Variants in SH3BGR observed in about 807,000 individuals in gnomAD.
SH3BGR encodes the protein SH3 domain binding glutamate rich protein.
Under a neutral mutation model 24.5 loss-of-function variants are expected in SH3BGR, and 29 were observed. That is an observed-to-expected ratio of 1.18 (90% CI 0.88 to 1.61). SH3BGR has a LOEUF of 1.61. SH3BGR is among the 40% of genes most tolerant of loss of function. SH3BGR has a pLI of 0.00. For missense variants in SH3BGR, 162 were observed against 205.8 expected, an observed-to-expected ratio of 0.79 and a Z score of 1.30; for synonymous variants, 55 against 65.7, an observed-to-expected ratio of 0.84 and a Z score of 0.79.
chr21:39,502,987 T>C (rs1313155510), intron 4 of SH3BGR, among the ~76,000 whole-genome samples: 2 of 145,194 alleles, frequency 1.4e-5, no homozygotes, highest in Non-Finnish European at 3.0e-5. Flanking sequence ...TCCAAGCTCT[T>C]TTTTTTTTTT....
At chr21:39,459,466 G>A (rs1488650806) in intron 1 of SH3BGR, among the ~76,000 whole-genome samples, 1 of 152,068 alleles carries the variant, frequency 6.6e-6, no homozygotes. Flanking sequence ...TTTGTGATCC[G>A]TCCACCTTGG....
intron 1 of SH3BGR, among the ~76,000 whole-genome samples, chr21:39,457,121 ATAAT>A (rs1482341821): frequency 6.8e-6 from 1 of 147,376 alleles, no homozygotes; most frequent in Non-Finnish European, 1.5e-5. Context: ...TATACCATAT[ATAAT>A]CAAATCACCA....
rs79411820 is a variant in SH3BGR, at chr21:39,511,425, G to T, written c.436-255G>T. Reference sequence around the variant, plus strand: ...TGTGTGTCTGGGTGGTGTGTGGGGGGGTGTGTGTGCTGTGTGTCATGTGTG... The same window carrying T: ...TGTGTGTCTGGGTGGTGTGTGGGGGTGTGTGTGTGCTGTGTGTCATGTGTG... On this transcript the variant is annotated intron_variant, in intron 5 of 6. Transcript: ENST00000333634. This position sits in a 1 kb window ranked among gnomAD's most constrained non-coding sequence, Gnocchi z 4.2. Among the ~76,000 whole-genome samples the T allele has an allele frequency of 0.034, 5,026 of 149,188 alleles. 91 individuals are homozygous for T. Among genetic ancestry groups the T allele is most frequent in the Middle Eastern group, 0.076 (21 of 278 alleles).
intron 2 of SH3BGR, among the ~76,000 whole-genome samples, chr21:39,473,935 C>G (rs189210531): frequency 1.3e-5 from 2 of 150,330 alleles, no homozygotes; most frequent in East Asian, 3.9e-4. Flanking sequence ...ATACTTTTTT[C>G]TCAACAGCTG....
At chr21:39,480,410 C>T (rs2078111886) in intron 3 of SH3BGR, among the ~76,000 whole-genome samples, 1 of 152,326 alleles carries the variant, frequency 6.6e-6, no homozygotes, top group East Asian at 1.9e-4. Context: ...AGGCTTGCCT[C>T]ATCTGAGCAT....
intron 2 of SH3BGR, among the ~76,000 whole-genome samples, chr21:39,467,205 T>TA (rs886449091): frequency 6.6e-6 from 1 of 152,200 alleles, no homozygotes; most frequent in Non-Finnish European, 1.5e-5. Flanking sequence ...TTTTCTGCTA[T>TA]AAAAAAGAAG....
At chr21:39,482,677 CT>C (rs762506677) in intron 3 of SH3BGR, among the ~76,000 whole-genome samples, 16 of 148,436 alleles carry the variant, frequency 1.1e-4, no homozygotes, top group Non-Finnish European at 1.8e-4. Flanking sequence ...TGGAGCAATG[CT>C]TTTTTTTTTG....
At chr21:39,484,307 C>T (rs1381795617) in intron 3 of SH3BGR, among the ~76,000 whole-genome samples, 1 of 152,152 alleles carries the variant, frequency 6.6e-6, no homozygotes, top group Non-Finnish European at 1.5e-5. Flanking sequence ...TAGGTGTTCA[C>T]CTCTGAAATT....
intron 3 of SH3BGR, among the ~76,000 whole-genome samples, chr21:39,489,111 C>G (rs2078257560): frequency 6.6e-6 from 1 of 152,142 alleles, no homozygotes; most frequent in African/African-American, 2.4e-5. Context: ...GTGAAAGGTA[C>G]AAGTTTGCAA....
rs11356530 is a variant in SH3BGR at position 39,511,097 on chromosome 21, A to AT, written c.436-575dup. On this transcript the variant is annotated intron_variant, in intron 5 of 6. Transcript: ENST00000333634. This position sits in a 1 kb window ranked among gnomAD's most constrained non-coding sequence, Gnocchi z 4.2. Reference sequence around the variant, plus strand: ...TGAGGACTCTGTGTTTAGAAGGATGATTTTTTTTATGTGTGTGTATGTATG... The same window carrying AT: ...TGAGGACTCTGTGTTTAGAAGGATGATTTTTTTTTATGTGTGTGTATGTATG... Among the ~76,000 whole-genome samples the AT allele has an allele frequency of 6.6e-6, 1 of 150,700 alleles. No individual in the cohort carries two copies. The highest frequency in any genetic ancestry group is 6.6e-5 in the Admixed American group (1 of 15,146).
At chr21:39,455,740 C>G (rs1351329600) in intron 1 of SH3BGR, among the ~76,000 whole-genome samples, 1 of 152,220 alleles carries the variant, frequency 6.6e-6, no homozygotes, top group African/African-American at 2.4e-5. Context: ...GGCCTGGATC[C>G]TAAGACCCTT....
intron 2 of SH3BGR, among the ~76,000 whole-genome samples, chr21:39,465,344 G>A (rs1055975831): frequency 2.4e-4 from 37 of 152,290 alleles, no homozygotes; most frequent in Admixed American, 7.9e-4. Context: ...TTGCTGTCTT[G>A]AAATTCTCAA....
chr21:39,501,103 A>G (rs929378493), intron 4 of SH3BGR, among the ~76,000 whole-genome samples: 2 of 152,244 alleles, frequency 1.3e-5, no homozygotes, highest in African/African-American at 4.8e-5. Flanking sequence ...ATTATCTTGT[A>G]ATTAAAACAT....
At chr21:39,473,227 C>T (rs1466881265) in intron 2 of SH3BGR, among the ~76,000 whole-genome samples, 1 of 152,174 alleles carries the variant, frequency 6.6e-6, no homozygotes, top group Non-Finnish European at 1.5e-5. Context: ...CTAGTTCACT[C>T]AACTATAATA....
chr21:39,506,553 C>T lies in SH3BGR; in HGVS notation c.406-2445C>T, dbSNP rs534190015. Among the ~76,000 whole-genome samples the T allele has an allele frequency of 5.3e-5, 8 of 152,222 alleles. No homozygotes were observed. The South Asian group carries it at 1.2e-3, about 24-fold the overall frequency. ...GAGGCCTCACAATCATGGCAGAAGG[C>T]GAAGGAGGAGCAAAGCCATGTCTTA... On this transcript the variant is annotated intron_variant, in intron 4 of 6. Coordinates refer to ENST00000333634, the MANE Select transcript of SH3BGR (RefSeq NM_007341.3).
chr21:39,490,224 A>G (rs1439782633), intron 3 of SH3BGR, among the ~76,000 whole-genome samples: 1 of 152,230 alleles, frequency 6.6e-6, no homozygotes, highest in Admixed American at 6.5e-5. Context: ...GCTGAGGAAA[A>G]CAGAGTGAAG....
rs531135331 is a variant in SH3BGR, at chr21:39,487,411, GGGAT to G, written c.312+12197_312+12200del. Among the ~76,000 whole-genome samples, 553 of 152,290 alleles carry G rather than the reference GGGAT, an allele frequency of 3.6e-3. 4 individuals are homozygous for G. Among genetic ancestry groups the G allele is most frequent in the African/African-American group, 0.012 (510 of 41,574 alleles). On this transcript the variant is annotated intron_variant, in intron 3 of 6. Transcript: ENST00000333634. The stretch of plus-strand genomic sequence containing the variant: ...TCCCACCCCAGCCTCCCAAAGTGCT[GGGAT>G]TATATACAGGTGTGAGCCATCATGC...
chr21:39,475,455 A>T (rs1467632934), intron 3 of SH3BGR, among the ~76,000 whole-genome samples: 2 of 152,208 alleles, frequency 1.3e-5, no homozygotes, highest in African/African-American at 2.4e-5. Flanking sequence ...ATTTTATAAT[A>T]CCTAAGTTAG....
chr21:39,499,717 T>C, intron 3 of SH3BGR, 106 bp from the exon 4 acceptor site: 3 of 759,118 alleles, frequency 4.0e-6, no homozygotes, highest in South Asian at 1.8e-5. Context: ...GTTTGCTTCA[T>C]TTATATACTG....
Sources: gnomAD v4.1 joint callset for allele counts (sites outside exome capture counted in the v4.1 genomes callset) on GRCh38, gnomAD v4.1.1 for gene constraint, Gnocchi (gnomAD v3.1) non-coding constraint, MANE v1.5 for transcripts, NCBI Gene and HGNC (gene_info 2026-07-23, HGNC 2026-07-21) for gene names.